Variants in TENM2 observed in about 807,000 individuals in gnomAD.
TENM2 encodes teneurin transmembrane protein 2.
Under a neutral mutation model 245.2 loss-of-function variants are expected in TENM2, and 52 were observed. The observed-to-expected ratio is 0.21, with a 90% CI of 0.17 to 0.27. The LOEUF (loss-of-function observed/expected upper bound fraction) is 0.27. Ranked by LOEUF, TENM2 falls within the 10% of genes least tolerant of loss-of-function variation. The probability of loss-of-function intolerance (pLI) is 1.00; values close to 1 mark genes in which losing one functional copy is unlikely to be tolerated. For missense variants in TENM2, 3,046 were observed against 3,666.8 expected (o/e 0.83, Z 4.37); for synonymous variants, 1,363 against 1,438.9 (o/e 0.95, Z 1.19).
At chr5:167,246,833 G>T in the TENM2 span, among the ~76,000 whole-genome samples, 1 of 151,970 alleles carries the variant, frequency 6.6e-6, no homozygotes, top group East Asian at 1.9e-4. Flanking sequence ...GCCAATTGTG[G>T]GGAATGTGGT....
intron 2 of TENM2, among the ~76,000 whole-genome samples, chr5:167,868,918 T>TC (rs1180448633): frequency 6.6e-6 from 1 of 152,166 alleles, no homozygotes; most frequent in African/African-American, 2.4e-5. Context: ...GGGTCCCTTG[T>TC]CCCTACTGTC....
chr5:167,345,645 A>G (rs988033424), intron 1 of TENM2, among the ~76,000 whole-genome samples: 1 of 152,170 alleles, frequency 6.6e-6, no homozygotes, highest in African/African-American at 2.4e-5. Context: ...ACAAATTTTT[A>G]TTAGCAGAAT....
At chr5:167,248,452 A>G in the TENM2 span, among the ~76,000 whole-genome samples, 1 of 152,036 alleles carries the variant, frequency 6.6e-6, no homozygotes, top group African/African-American at 2.4e-5. Flanking sequence ...TCTCTGATTC[A>G]GCATGTCTGG....
chr5:167,256,221 T>G, the TENM2 span, among the ~76,000 whole-genome samples: 6 of 152,052 alleles, frequency 3.9e-5, no homozygotes, highest in Admixed American at 3.9e-4. Context: ...GTCTGTGGAG[T>G]TTTGGGATTC....
chr5:167,717,018 G>A (rs1268411711), intron 2 of TENM2, among the ~76,000 whole-genome samples: 1 of 151,454 alleles, frequency 6.6e-6, no homozygotes, highest in Non-Finnish European at 1.5e-5. Flanking sequence ...GGAGTGGAGT[G>A]CAGTGGTGCA....
At chr5:167,374,180 T>C (rs1760606640) in intron 1 of TENM2, among the ~76,000 whole-genome samples, 1 of 152,226 alleles carries the variant, frequency 6.6e-6, no homozygotes, top group African/African-American at 2.4e-5. Flanking sequence ...AACATGGTCT[T>C]GTAGGATTAT....
intron 2 of TENM2, among the ~76,000 whole-genome samples, chr5:167,754,637 A>G (rs1185068046): frequency 6.6e-6 from 1 of 152,098 alleles, no homozygotes; most frequent in Non-Finnish European, 1.5e-5. Flanking sequence ...AATTAAGTAT[A>G]CACAGTGATG....
intron 7 of TENM2, among the ~76,000 whole-genome samples, chr5:168,076,387 G>A (rs564716603): frequency 4.2e-4 from 64 of 151,734 alleles, no homozygotes; most frequent in Admixed American, 1.2e-3. Context: ...CACCACACCC[G>A]ACTAATTTTG....
intron 21 of TENM2, among the ~76,000 whole-genome samples, chr5:168,215,724 T>C (rs1170742215): frequency 6.6e-6 from 1 of 152,200 alleles, no homozygotes; most frequent in Non-Finnish European, 1.5e-5. Flanking sequence ...ATCATGCACA[T>C]AGGCTCCAAG....
chr5:167,589,307 C>G (rs758448745), intron 2 of TENM2, among the ~76,000 whole-genome samples: 7 of 152,058 alleles, frequency 4.6e-5, no homozygotes, highest in Non-Finnish European at 8.8e-5. Context: ...GTTCAGTGTT[C>G]CCTTAATGCA....
the TENM2 span, among the ~76,000 whole-genome samples, chr5:166,981,555 C>T: frequency 6.6e-6 from 1 of 152,168 alleles, no homozygotes; most frequent in Non-Finnish European, 1.5e-5. Flanking sequence ...ATTTCTCTGG[C>T]ATATTCCACA....
chr5:167,061,151 G>A, the TENM2 span, among the ~76,000 whole-genome samples: 6 of 151,664 alleles, frequency 4.0e-5, no homozygotes, highest in Admixed American at 6.6e-5. Context: ...ACACGCACAC[G>A]AATGTTAATC....
chr5:168,220,763 A>C (rs2152567766), intron 23 of TENM2, among the ~76,000 whole-genome samples: 1 of 152,240 alleles, frequency 6.6e-6, no homozygotes, highest in Non-Finnish European at 1.5e-5. Context: ...CCTTAGCCAA[A>C]ACTTTAGAGA....
At chr5:167,248,935 A>G in the TENM2 span, among the ~76,000 whole-genome samples, 1 of 152,156 alleles carries the variant, frequency 6.6e-6, no homozygotes, top group African/African-American at 2.4e-5. Flanking sequence ...AGGCCCCCAA[A>G]AGAATTTCTG....
chr5:167,000,549 T>C, the TENM2 span, among the ~76,000 whole-genome samples: 2 of 152,182 alleles, frequency 1.3e-5, no homozygotes, highest in Non-Finnish European at 2.9e-5. Context: ...AAGAATTCTG[T>C]GTGCAGAAAA....
the TENM2 span, among the ~76,000 whole-genome samples, chr5:167,233,017 C>CAGG: frequency 0.21 from 31,595 of 152,000 alleles, 3,822 homozygotes; most frequent in African/African-American, 0.34. Flanking sequence ...CTTGGACAGA[C>CAGG]AGGACATGTA....
At chr5:168,182,055 T>A (rs1759951303) in intron 13 of TENM2, among the ~76,000 whole-genome samples, 1 of 152,178 alleles carries the variant, frequency 6.6e-6, no homozygotes, top group Admixed American at 6.5e-5. Flanking sequence ...CGACGGTTCA[T>A]CAGGCAGCCA....
At chr5:167,006,153 C>G in the TENM2 span, among the ~76,000 whole-genome samples, 1 of 152,022 alleles carries the variant, frequency 6.6e-6, no homozygotes, top group African/African-American at 2.4e-5. Context: ...TAAAATTGCA[C>G]GCACAATTCC....
the TENM2 span, among the ~76,000 whole-genome samples, chr5:167,271,275 C>G: frequency 2.6e-5 from 4 of 152,056 alleles, no homozygotes; most frequent in Non-Finnish European, 4.4e-5. Context: ...ATCTGTTCAG[C>G]TTCTGATCTC....
Sources: allele counts gnomAD v4.1 joint callset (sites outside exome capture counted in the v4.1 genomes callset), GRCh38; gene constraint gnomAD v4.1.1; transcripts MANE v1.5; gene names NCBI Gene and HGNC (gene_info 2026-07-23, HGNC 2026-07-21).